The following EYS variants were observed in gnomAD, a reference collection of about 807,000 sequenced individuals.
The protein encoded by EYS is EGF-like photoreceptor maintenance factor.
A neutral mutation model predicts 282.1 loss-of-function variants in EYS; 250 were observed. That is an observed-to-expected ratio of 0.89 (90% CI 0.80 to 0.98). The LOEUF (loss-of-function observed/expected upper bound fraction) is 0.98. Among genes scored for constraint, EYS ranks in the 50% least tolerant of loss-of-function variants. EYS has a pLI of 0.00. For synonymous variants in EYS, 1,355 were observed against 1,282.9 expected (o/e 1.06, Z -1.20); for missense variants, 4,016 against 3,709.0 (o/e 1.08, Z -2.15).
intron 12 of EYS, among the ~76,000 whole-genome samples, chr6:65,133,896 T>G (rs905728142): frequency 5.3e-5 from 8 of 150,800 alleles, no homozygotes; most frequent in African/African-American, 2.0e-4. Flanking sequence ...ATCTAGCATC[T>G]ATAAGGAACT....
At chr6:65,504,115 C>T (rs4710524) in intron 2 of EYS, among the ~76,000 whole-genome samples, 56,755 of 151,270 alleles carry the variant, frequency 0.38, 10,755 homozygotes, top group Admixed American at 0.44. Context: ...TTATAATATT[C>T]ATTTAGGTTT....
intron 26 of EYS, among the ~76,000 whole-genome samples, chr6:64,544,431 A>C (rs1326901374): frequency 6.6e-6 from 1 of 152,172 alleles, no homozygotes; most frequent in Non-Finnish European, 1.5e-5. Flanking sequence ...GAACTGCAGG[A>C]AACCATCTAG....
chr6:63,910,796 A>G (rs1222912075), intron 35 of EYS, among the ~76,000 whole-genome samples: 3 of 152,188 alleles, frequency 2.0e-5, no homozygotes, highest in African/African-American at 4.8e-5. Context: ...GAGAGTTAAA[A>G]TATTTATATT....
intron 19 of EYS, among the ~76,000 whole-genome samples, chr6:64,835,318 A>G (rs143971457): frequency 6.6e-6 from 1 of 151,854 alleles, no homozygotes; most frequent in Non-Finnish European, 1.5e-5. Context: ...AAACATGTGC[A>G]TAATAAGGAT....
intron 8 of EYS, among the ~76,000 whole-genome samples, chr6:65,383,721 T>C (rs949362213): frequency 6.6e-6 from 1 of 151,906 alleles, no homozygotes; most frequent in African/African-American, 2.4e-5. Context: ...TATAAAATTT[T>C]AAAATTCAAT....
chr6:64,452,176 C>T (rs1775375596), intron 26 of EYS, among the ~76,000 whole-genome samples: 2 of 152,112 alleles, frequency 1.3e-5, no homozygotes, highest in African/African-American at 4.8e-5. Flanking sequence ...GATACAAAAT[C>T]AATGTGCAAA....
At chr6:63,902,381 A>C (rs1773679358) in intron 35 of EYS, among the ~76,000 whole-genome samples, 1 of 152,188 alleles carries the variant, frequency 6.6e-6, no homozygotes, top group Non-Finnish European at 1.5e-5. Flanking sequence ...TATTAAAGGA[A>C]TTCTTTCAGG....
intron 31 of EYS, among the ~76,000 whole-genome samples, chr6:64,151,672 T>A (rs114908130): frequency 0.011 from 1,748 of 152,054 alleles, 36 homozygotes; most frequent in African/African-American, 0.039. Context: ...CACATGTATA[T>A]TTAAATAAGT....
intron 22 of EYS, among the ~76,000 whole-genome samples, chr6:64,774,270 C>T (rs1337797670): frequency 6.6e-6 from 1 of 151,836 alleles, no homozygotes; most frequent in Non-Finnish European, 1.5e-5. Flanking sequence ...CTTATCTTTC[C>T]TTATAATCCC....
chr6:64,670,219 C>T (rs551563093), intron 22 of EYS, among the ~76,000 whole-genome samples: 5 of 152,036 alleles, frequency 3.3e-5, no homozygotes, highest in African/African-American at 1.2e-4. Context: ...AATTAACAAA[C>T]ACAGATGACT....
At chr6:63,937,546 AATTTTTTTGT>A (rs1765108588) in intron 35 of EYS, among the ~76,000 whole-genome samples, 1 of 149,904 alleles carries the variant, frequency 6.7e-6, no homozygotes, top group African/African-American at 2.4e-5. Flanking sequence ...ACGACCGGTT[AATTTTTTTGT>A]ATTTTTAGTA....
chr6:65,484,349 G>C (rs922508564), intron 5 of EYS, among the ~76,000 whole-genome samples: 13 of 152,140 alleles, frequency 8.5e-5, no homozygotes, highest in Non-Finnish European at 1.8e-4. Context: ...GGATGAGTTT[G>C]ATAAATCACC....
chr6:64,440,239 C>T (rs1018844281), intron 26 of EYS, among the ~76,000 whole-genome samples: 19 of 151,838 alleles, frequency 1.3e-4, no homozygotes, highest in African/African-American at 4.6e-4. Context: ...TATTCATTTT[C>T]GAATCTGTAC....
At chr6:64,353,973 G>T (rs1296233322) in intron 29 of EYS, among the ~76,000 whole-genome samples, 1 of 151,564 alleles carries the variant, frequency 6.6e-6, no homozygotes, top group Non-Finnish European at 1.5e-5. Flanking sequence ...GGCACTGTGA[G>T]CCACCGGAGG....
chr6:65,443,021 T>C (rs919409272), intron 5 of EYS, among the ~76,000 whole-genome samples: 2 of 121,038 alleles, frequency 1.7e-5, no homozygotes, highest in African/African-American at 5.1e-5. Flanking sequence ...TATCTGTAAA[T>C]ATACACACAT....
rs1442694017 is a variant in EYS, at chr6:65,199,548, C to G, written c.2023+96315G>C. On this transcript the variant is annotated intron_variant, in intron 12 of 42. Coordinates refer to ENST00000503581, the MANE Select transcript of EYS (RefSeq NM_001142800.2). Reference sequence around the variant, plus strand: ...GCGTATAATTTATTTAGAAACCAGACAGTGCCATGAAACCACTAGATGCTA... The same window carrying G: ...GCGTATAATTTATTTAGAAACCAGAGAGTGCCATGAAACCACTAGATGCTA... Among the ~76,000 whole-genome samples, 4 of 152,060 alleles carry G rather than the reference C, an allele frequency of 2.6e-5. No individual in the cohort carries two copies. The South Asian group carries it at 6.2e-4, about 24-fold the overall frequency.
intron 35 of EYS, among the ~76,000 whole-genome samples, chr6:63,941,121 G>A (rs901221847): frequency 6.6e-6 from 1 of 152,050 alleles, no homozygotes; most frequent in African/African-American, 2.4e-5. Flanking sequence ...CTTTGCTATT[G>A]TGAATAGTGC....
intron 2 of EYS, among the ~76,000 whole-genome samples, chr6:65,516,759 T>C (rs1767152178): frequency 6.6e-6 from 1 of 152,006 alleles, no homozygotes; most frequent in Admixed American, 6.6e-5. Flanking sequence ...TACTAACTCT[T>C]CTTTTCTCCA....
intron 41 of EYS, among the ~76,000 whole-genome samples, chr6:63,729,109 C>T (rs1235263431): frequency 6.6e-6 from 1 of 152,026 alleles, no homozygotes; most frequent in Non-Finnish European, 1.5e-5. Flanking sequence ...GCTCATTTGC[C>T]ATCTGAATAT....
Sources: gnomAD v4.1 joint callset for allele counts (sites outside exome capture counted in the v4.1 genomes callset) on GRCh38, gnomAD v4.1.1 for gene constraint, MANE v1.5 for transcripts, NCBI Gene and HGNC (gene_info 2026-07-23, HGNC 2026-07-21) for gene names.